Variants in RALGPS2 observed in about 807,000 individuals in gnomAD.
RALGPS2 encodes the protein Ral GEF with PH domain and SH3 binding motif 2, also known as ras-specific guanine nucleotide-releasing factor RalGPS2.
In RALGPS2, 43 loss-of-function variants were observed where a neutral mutation model predicts 86.8. The ratio of observed to expected loss-of-function variants is 0.50; its 90% confidence interval spans 0.39 to 0.64. RALGPS2 has a LOEUF of 0.64. Ranked by LOEUF, RALGPS2 falls within the 30% of genes least tolerant of loss-of-function variation. The pLI, the probability that RALGPS2 is intolerant of heterozygous loss-of-function variation, is 0.00. For synonymous variants in RALGPS2, 243 were observed against 231.3 expected, an observed-to-expected ratio of 1.05 and a Z score of -0.46; for missense variants, 536 against 694.6, an observed-to-expected ratio of 0.77 and a Z score of 2.57.
Position 178,893,919 on chromosome 1 carries a change from T to A in RALGPS2, c.1326T>A (p.Ser442Arg). Residue 442 changes from serine (S) to arginine (R), a missense_variant and splice_region_variant, in exon 16 of 20, where the codon AGT becomes AGA. This residue lies in a region of RALGPS2 where 309 missense variants were observed against 363.0 expected (regional missense o/e 0.85). Coordinates refer to ENST00000367635, the MANE Select transcript of RALGPS2 (RefSeq NM_152663.5). The part of the protein sequence containing the change: ...NGYRSHMKAS[S>R]SAESEDLAVH... The stretch of plus-strand genomic sequence containing the variant: ...TGTGTTCTTTTCTTCGTTATTATAG[T>A]TCTGCAGAATCAGAAGATTTGGCAG... The A allele has an allele frequency of 6.3e-7, 1 of 1,588,176 alleles. No homozygotes were observed. The highest frequency in any genetic ancestry group is 8.6e-7 in the Non-Finnish European group (1 of 1,158,674).
At chr1:178,809,300 C>T (rs1654872669) in intron 5 of RALGPS2, among the ~76,000 whole-genome samples, 1 of 151,514 alleles carries the variant, frequency 6.6e-6, no homozygotes, top group Non-Finnish European at 1.5e-5. Flanking sequence ...AGATTGTAGA[C>T]CTTTGAGTAG....
rs777921042 is a variant in RALGPS2 at position 178,862,087 on chromosome 1, GGTCTCAAACTCC to G, written c.608-15410_608-15399del. The stretch of plus-strand genomic sequence containing the variant: ...GGGGTTTCACCATGTTGGCCAGGCT[GGTCTCAAACTCC>G]TGACCTCAAGTGATCCGTCTGCCTC... On this transcript the variant is annotated intron_variant, in intron 8 of 19. Coordinates refer to ENST00000367635, the MANE Select transcript of RALGPS2 (RefSeq NM_152663.5). Among the ~76,000 whole-genome samples the G allele has an allele frequency of 1.1e-4, 16 of 152,112 alleles. 1 individual carries two copies. The highest frequency in any genetic ancestry group is 1.0e-3 in the South Asian group (5 of 4,808).
intron 7 of RALGPS2, among the ~76,000 whole-genome samples, chr1:178,824,652 C>CA (rs1216674175): frequency 2.6e-5 from 4 of 151,834 alleles, no homozygotes; most frequent in African/African-American, 9.7e-5. Context: ...ACTAAAAATA[C>CA]AAAAAAATTA....
chr1:178,748,865 AAG>A (rs1440909907), intron 1 of RALGPS2, among the ~76,000 whole-genome samples: 3 of 150,726 alleles, frequency 2.0e-5, no homozygotes, highest in African/African-American at 5.0e-5. Flanking sequence ...AAAAAAAAAA[AAG>A]AAGGCAGGCA....
chr1:178,839,780 G>T (rs959310357), intron 8 of RALGPS2, among the ~76,000 whole-genome samples: 1 of 152,166 alleles, frequency 6.6e-6, no homozygotes, highest in African/African-American at 2.4e-5. Context: ...CATGTGCAGG[G>T]ACACACATAG....
Position 178,785,568 on chromosome 1 carries a change from A to G in RALGPS2, c.174A>G (p.Thr58=), listed in dbSNP as rs571293508. 1.3e-6 allele frequency: 2 copies of G among 1,587,930 alleles called. No homozygotes were observed. Among genetic ancestry groups the G allele is most frequent in the East Asian group, 2.3e-5 (1 of 43,330 alleles). Residue 58 remains threonine (T), a synonymous_variant, in exon 4 of 20, where the codon ACA becomes ACG. Coordinates refer to ENST00000367635, the MANE Select transcript of RALGPS2 (RefSeq NM_152663.5). ...VTPEEYAGQI[T]LMDVPVFKAI... is the part of the protein sequence containing the mutation. ...ACTTTATATTTCAGGGTCAGATAAC[A>G]TTAATGGATGTTCCAGTATTTAAAG...
intron 8 of RALGPS2, among the ~76,000 whole-genome samples, chr1:178,856,200 GAGAT>G (rs1408132029): frequency 0.029 from 1,177 of 40,842 alleles, 8 homozygotes; most frequent in African/African-American, 0.051. Context: ...CAGAGAGAGA[GAGAT>G]ATATATATAT....
At position 178,757,530 on chromosome 1, in the gene RALGPS2, C is replaced by T. The variant is rs547191962; in HGVS notation, c.-83-19152C>T. 2.6e-5 allele frequency among the ~76,000 whole-genome samples: 4 copies of T among 152,222 alleles called. No homozygotes were observed. In the South Asian group the frequency reaches 8.3e-4, roughly 32 times the overall value. On this transcript the variant is annotated intron_variant, in intron 1 of 19. Coordinates refer to ENST00000367635, the MANE Select transcript of RALGPS2 (RefSeq NM_152663.5). ...TGTTGGATTTTATCAAAAGCTTATT[C>T]TGTATCTATTGAGATGATCATAGGG...
chr1:178,878,800 G>T, intron 9 of RALGPS2, 102 bp from the exon 10 acceptor site: 1 of 1,480,976 alleles, frequency 6.8e-7, no homozygotes. Flanking sequence ...AAATTTTGCT[G>T]CCATGTGGCC....
intron 8 of RALGPS2, among the ~76,000 whole-genome samples, chr1:178,844,815 A>G (rs73039822): frequency 0.052 from 7,967 of 152,240 alleles, 729 homozygotes; most frequent in African/African-American, 0.18. Flanking sequence ...CATCATAAAT[A>G]TTCTTTAATG....
At position 178,747,598 on chromosome 1, in the gene RALGPS2, G is replaced by A. The variant is rs79233588; in HGVS notation, c.-84+22179G>A. The stretch of plus-strand genomic sequence containing the variant: ...TAGGAAGTGGACCCTGTGTTAAGAT[G>A]TAACTCCTTTGTCCTCTTCTATGTC... On this transcript the variant is annotated intron_variant, in intron 1 of 19. Transcript: ENST00000367635. 1.4e-4 allele frequency: 216 copies of A among 1,598,956 alleles called. No homozygotes were observed. The African/African-American group carries it at 2.7e-3, about 20-fold the overall frequency.
At chr1:178,808,460 C>T (rs904436448) in intron 5 of RALGPS2, among the ~76,000 whole-genome samples, 1 of 152,070 alleles carries the variant, frequency 6.6e-6, no homozygotes, top group Non-Finnish European at 1.5e-5. Context: ...GCTTTTACAC[C>T]AGTCATGCTC....
chr1:178,852,990 G>A (rs765449284), intron 8 of RALGPS2: 1 of 1,561,230 alleles, frequency 6.4e-7, no homozygotes, highest in Non-Finnish European at 8.6e-7. Flanking sequence ...GCATAAATAA[G>A]TATAGAGATA....
chr1:178,833,571 T>A, intron 8 of RALGPS2, 21 bp downstream of exon 8: 1 of 1,520,722 alleles, frequency 6.6e-7, no homozygotes, highest in Non-Finnish European at 8.7e-7. Flanking sequence ...TCACTGTGTG[T>A]TTTTTGTTTC....
rs918024475 is a variant in RALGPS2 at position 178,853,092 on chromosome 1, A to T, written c.607+19542A>T. 4 of 1,427,692 alleles carry T rather than the reference A, an allele frequency of 2.8e-6. No homozygotes were observed. The African/African-American group carries it at 5.7e-5, about 20-fold the overall frequency. 88.4% of individuals were successfully genotyped at this position (1,427,692 alleles called of 1,614,324 possible). The stretch of plus-strand genomic sequence containing the variant: ...ATGTGAGCTTCCATTTTAGTTGGTC[A>T]CTTGCGTTTTATAAGCCACACATTG... On this transcript the variant is annotated intron_variant, in intron 8 of 19. Coordinates refer to ENST00000367635, the MANE Select transcript of RALGPS2 (RefSeq NM_152663.5).
chr1:178,753,532 TCTCAAGTC>T (rs1651790847), intron 1 of RALGPS2: 1 of 152,184 alleles, frequency 6.6e-6, no homozygotes, highest in Non-Finnish European at 1.5e-5. Context: ...GCTCATTTTG[TCTCAAGTC>T]CAGATTGATG....
intron 8 of RALGPS2, chr1:178,851,236 C>G (rs1657153363): frequency 1.2e-6 from 2 of 1,613,862 alleles, no homozygotes; most frequent in South Asian, 2.2e-5. Context: ...TAATGGCCTC[C>G]TCTGTACCAT....
chr1:178,799,705 C>T (rs1178145786), intron 4 of RALGPS2, among the ~76,000 whole-genome samples: 1 of 152,090 alleles, frequency 6.6e-6, no homozygotes, highest in Non-Finnish European at 1.5e-5. Flanking sequence ...GAGCAATGCG[C>T]CTGGCCACCC....
intron 13 of RALGPS2, 89 bp downstream of exon 13, chr1:178,886,209 C>T (rs1659475314): frequency 7.3e-7 from 1 of 1,363,890 alleles, no homozygotes; most frequent in Admixed American, 2.4e-5. Flanking sequence ...CACCCACACA[C>T]AGAGAAAATT....
Sources: allele counts gnomAD v4.1 joint callset (sites outside exome capture counted in the v4.1 genomes callset), GRCh38; gene constraint gnomAD v4.1.1; regional missense constraint gnomAD v4.1.1; transcripts MANE v1.5; gene names NCBI Gene and HGNC (gene_info 2026-07-23, HGNC 2026-07-21).